Variants in RAPGEF6 observed in about 807,000 individuals in gnomAD.
The protein encoded by RAPGEF6 is PDZ domain containing guanine nucleotide exchange factor (GEF) 2.
RAPGEF6 carries 56 observed loss-of-function variants against 171.4 expected under a neutral mutation model. The ratio of observed to expected loss-of-function variants is 0.33; its 90% confidence interval spans 0.26 to 0.41. The LOEUF (loss-of-function observed/expected upper bound fraction) is 0.41. Among genes scored for constraint, RAPGEF6 ranks in the 10% least tolerant of loss-of-function variants. The probability of loss-of-function intolerance (pLI) is 1.00; values close to 1 mark genes in which losing one functional copy is unlikely to be tolerated. For missense variants in RAPGEF6, 1,674 were observed against 1,921.4 expected, an observed-to-expected ratio of 0.87 and a Z score of 2.41; for synonymous variants, 692 against 650.1, an observed-to-expected ratio of 1.06 and a Z score of -0.98.
chr5:131,521,849 AC>A (rs1758503917), intron 6 of RAPGEF6, among the ~76,000 whole-genome samples: 2 of 102,144 alleles, frequency 2.0e-5, no homozygotes, highest in African/African-American at 1.1e-4. Context: ...CTACACACAC[AC>A]ACACACACAC....
chr5:131,484,485 G>A (rs1180850500), intron 15 of RAPGEF6, among the ~76,000 whole-genome samples: 2 of 152,012 alleles, frequency 1.3e-5, no homozygotes, highest in Non-Finnish European at 2.9e-5. Context: ...AAAGCGCTGG[G>A]ATTACAGGCG....
chr5:131,630,047 G>A (rs533459552), intron 1 of RAPGEF6, among the ~76,000 whole-genome samples: 1 of 152,270 alleles, frequency 6.6e-6, no homozygotes, highest in South Asian at 2.1e-4. Flanking sequence ...AGTTACTGTA[G>A]GTAAAATGCT....
intron 4 of RAPGEF6, among the ~76,000 whole-genome samples, chr5:131,581,419 TG>T (rs1267587327): frequency 1.3e-5 from 2 of 152,120 alleles, no homozygotes; most frequent in Non-Finnish European, 2.9e-5. Context: ...ACTCAGGCCT[TG>T]GGTCTTCCGA....
At chr5:131,441,828 A>C (rs1388360659) in intron 23 of RAPGEF6, among the ~76,000 whole-genome samples, 1 of 152,216 alleles carries the variant, frequency 6.6e-6, no homozygotes, top group Non-Finnish European at 1.5e-5. Flanking sequence ...TAAAAGGCTA[A>C]AATAGTGATA....
At chr5:131,442,271 A>C (rs1166224760) in intron 23 of RAPGEF6, 78 bp downstream of exon 23, 31 of 1,348,096 alleles carry the variant, frequency 2.3e-5, no homozygotes, top group Non-Finnish European at 2.9e-5. Flanking sequence ...TATCTCCTGA[A>C]CATCTGTAAT....
intron 16 of RAPGEF6, among the ~76,000 whole-genome samples, chr5:131,473,913 A>G (rs532198349): frequency 6.6e-6 from 1 of 152,336 alleles, no homozygotes; most frequent in Non-Finnish European, 1.5e-5. Context: ...AGAGTCAGAG[A>G]AAAGCAAAGA....
At chr5:131,563,795 G>A (rs1218764588) in intron 4 of RAPGEF6, among the ~76,000 whole-genome samples, 1 of 152,102 alleles carries the variant, frequency 6.6e-6, no homozygotes, top group African/African-American at 2.4e-5. Context: ...GTGAGCCACT[G>A]CACCAGGCCT....
At chr5:131,456,702 T>C (rs1036341846) in intron 19 of RAPGEF6, among the ~76,000 whole-genome samples, 4 of 152,230 alleles carry the variant, frequency 2.6e-5, no homozygotes, top group African/African-American at 9.6e-5. Flanking sequence ...GCCTCAATTT[T>C]CTTATCAGCA....
chr5:131,543,474 C>T (rs1359720158), intron 6 of RAPGEF6, among the ~76,000 whole-genome samples: 3 of 152,032 alleles, frequency 2.0e-5, no homozygotes, highest in African/African-American at 2.4e-5. Context: ...AAAGTGAACA[C>T]TAAAGAAACG....
Position 131,548,202 on chromosome 5 carries a change from GT to G in RAPGEF6, c.352-13del. ...TTGGCATTCTCTACCTGAAACACAT[GT>G]TCATATTCCTGATGAAATATCAAAT... is the stretch of plus-strand genomic sequence containing the variant. On this transcript the variant is annotated splice_polypyrimidine_tract_variant and intron_variant, in intron 5 of 27. Transcript: ENST00000509018. The G allele has an allele frequency of 6.2e-7, 1 of 1,612,474 alleles. No individual in the cohort carries two copies. The highest frequency in any genetic ancestry group is 8.5e-7 in the Non-Finnish European group (1 of 1,179,008).
At chr5:131,481,129 T>C (rs181695104) in intron 15 of RAPGEF6, among the ~76,000 whole-genome samples, 1 of 152,066 alleles carries the variant, frequency 6.6e-6, no homozygotes, top group East Asian at 1.9e-4. Flanking sequence ...TTCTCCATGT[T>C]GGTCAGGCTG....
chr5:131,609,909 C>A (rs1218011846), intron 1 of RAPGEF6, among the ~76,000 whole-genome samples: 2 of 152,184 alleles, frequency 1.3e-5, no homozygotes, highest in African/African-American at 4.8e-5. Context: ...CAGAGTCCAA[C>A]CAGTGGACCC....
intron 5 of RAPGEF6, among the ~76,000 whole-genome samples, chr5:131,551,821 A>AT (rs1418385581): frequency 6.6e-6 from 1 of 152,142 alleles, no homozygotes; most frequent in Non-Finnish European, 1.5e-5. Flanking sequence ...TCTAATCATG[A>AT]TTTTTATTCC....
At chr5:131,470,736 ACT>A in intron 17 of RAPGEF6, among the ~76,000 whole-genome samples, 1 of 152,244 alleles carries the variant, frequency 6.6e-6, no homozygotes, top group East Asian at 1.9e-4. Flanking sequence ...GGAGAGACTG[ACT>A]CTGTGGCAGA....
chr5:131,465,354 G>C (rs1754261821), intron 17 of RAPGEF6, among the ~76,000 whole-genome samples: 1 of 151,712 alleles, frequency 6.6e-6, no homozygotes, highest in African/African-American at 2.4e-5. Context: ...ATAGAACTCT[G>C]GACCAATGTT....
chr5:131,594,568 T>G (rs959809569), intron 3 of RAPGEF6, among the ~76,000 whole-genome samples: 1 of 152,166 alleles, frequency 6.6e-6, no homozygotes, highest in African/African-American at 2.4e-5. Context: ...AGGGGGCCAT[T>G]GTCCTTCAGA....
At chr5:131,486,173 TG>T (rs1262957290) in intron 15 of RAPGEF6, among the ~76,000 whole-genome samples, 1 of 152,190 alleles carries the variant, frequency 6.6e-6, no homozygotes, top group Non-Finnish European at 1.5e-5. Flanking sequence ...TATCCTTTGG[TG>T]GGCACTAAAC....
chr5:131,495,495 G>C, intron 13 of RAPGEF6, 58 bp downstream of exon 13: 1 of 1,285,166 alleles, frequency 7.8e-7, no homozygotes, highest in East Asian at 2.3e-5. Context: ...TTCTGAGTTT[G>C]CTAGTGTTGA....
intron 7 of RAPGEF6, among the ~76,000 whole-genome samples, chr5:131,512,445 T>C (rs1757801657): frequency 6.6e-6 from 1 of 151,810 alleles, no homozygotes. Context: ...CACAGCTCAC[T>C]GTAGCCTCAG....
Sources: gnomAD v4.1 joint callset for allele counts (sites outside exome capture counted in the v4.1 genomes callset) on GRCh38, gnomAD v4.1.1 for gene constraint, MANE v1.5 for transcripts, NCBI Gene and HGNC (gene_info 2026-07-23, HGNC 2026-07-21) for gene names.